Variants in PFAS observed in about 807,000 individuals in gnomAD.
PFAS encodes the protein FGAM synthase.
Under a neutral mutation model 140.6 loss-of-function variants are expected in PFAS, and 97 were observed. That is an observed-to-expected ratio of 0.69 (90% CI 0.59 to 0.82). PFAS has a LOEUF of 0.82. Among genes scored for constraint, PFAS ranks in the 40% least tolerant of loss-of-function variants. The probability of loss-of-function intolerance (pLI) is 0.00; values close to 1 mark genes in which losing one functional copy is unlikely to be tolerated. For missense variants in PFAS, 1,656 were observed against 1,780.2 expected, an observed-to-expected ratio of 0.93 and a Z score of 1.26; for synonymous variants, 679 against 718.8, an observed-to-expected ratio of 0.94 and a Z score of 0.88.
chr17:8,257,841 G>A lies in PFAS; in HGVS notation c.1110G>A (p.Gln370=), dbSNP rs199532639. Residue 370 remains glutamine, a synonymous_variant, in exon 10 of 28, where the codon CAG becomes CAA. Transcript: ENST00000314666. ...YNLPWEDPSF[Q]YPGNFARPLE... is the part of the protein sequence containing the mutation. ...TGCCCTGGGAGGATCCAAGCTTCCAGTATCCTGGGAATTTTGCCCGGCCCC... is the reference window on the plus strand; with the variant it reads ...TGCCCTGGGAGGATCCAAGCTTCCAATATCCTGGGAATTTTGCCCGGCCCC... 4 of 1,614,054 alleles carry A rather than the reference G, an allele frequency of 2.5e-6. No homozygotes were observed. The highest frequency in any genetic ancestry group is 2.2e-5 in the East Asian group (1 of 44,888).
intron 1 of PFAS, 90 bp from the exon 2 acceptor site, chr17:8,253,769 C>T (rs1989249358): frequency 1.1e-6 from 1 of 883,842 alleles, no homozygotes; most frequent in Admixed American, 3.2e-5. Flanking sequence ...CAACTCCTGA[C>T]CTCAGGCAAT....
Position 8,256,197 on chromosome 17 carries a change from T to G in PFAS, c.681-70T>G, listed in dbSNP as rs377030754. ...CTGTAACTCTGCTGTTAAATGCTGG[T>G]GAGAAGACATGGCATTAAGAAATGA... is the stretch of plus-strand genomic sequence containing the variant. On this transcript the variant is annotated intron_variant, in intron 6 of 27. Coordinates refer to ENST00000314666, the MANE Select transcript of PFAS (RefSeq NM_012393.3). 3.4e-6 allele frequency: 5 copies of G among 1,485,204 alleles called. No individual in the cohort carries two copies. In the Admixed American group the frequency reaches 9.5e-5, roughly 28 times the overall value. The allele number at this position is 1,485,204 out of a possible 1,614,324, so 92.0% of individuals were successfully genotyped here. A position where few individuals can be genotyped will look rare whatever the true frequency, so the allele number is the denominator to read the frequency against.
In PFAS at chr17:8,264,301, G is replaced by A. The variant is rs765364309; in HGVS notation, c.1881G>A (p.Leu627=). Residue 627 remains leucine, a synonymous_variant, in exon 16 of 28, where the codon CTG becomes CTA. Transcript: ENST00000314666. The part of the protein sequence containing the change: ...PPTPLPTPVD[L]ELEWVLGKMP... ...CACCCCTGCCAACCCCTGTGGACCT[G>A]GAGCTCGAATGGGTGCTGGGCAAGA... The A allele has an allele frequency of 7.4e-6, 12 of 1,613,934 alleles. No individual in the cohort carries two copies. The highest frequency in any genetic ancestry group is 8.5e-6 in the Non-Finnish European group (10 of 1,179,980).
chr17:8,267,386 C>T lies in PFAS; in HGVS notation c.3190C>T (p.Arg1064Ter), dbSNP rs1171270615. ...VPREPGGPSP[R>*]VAILREEGSN... ...TCTCCCCCAAGGTGGTCCCAGCCCC[C>T]GAGTCGCCATCTTGCGAGAGGAGGG... The change falls in exon 25 of 28, where the codon CGA becomes TGA. Residue 1064 changes from arginine (R) to a stop codon, truncating the protein, a stop_gained. Coordinates refer to ENST00000314666, the MANE Select transcript of PFAS (RefSeq NM_012393.3). LOFTEE classifies it high-confidence loss of function. The surrounding 1 kb of genome is among the most constrained non-coding windows in gnomAD (Gnocchi z 4.9). 8.1e-6 allele frequency: 13 copies of T among 1,613,998 alleles called. No homozygotes were observed. Among genetic ancestry groups the T allele is most frequent in the Non-Finnish European group, 1.1e-5 (13 of 1,179,938 alleles).
At position 8,266,182 on chromosome 17, in the gene PFAS, G is replaced by A; in HGVS notation, c.2702-52G>A. 7.5e-6 allele frequency: 12 copies of A among 1,607,462 alleles called. No homozygotes were observed. The South Asian group carries it at 1.3e-4, about 18-fold the overall frequency. On this transcript the variant is annotated intron_variant, in intron 21 of 27. Coordinates refer to ENST00000314666, the MANE Select transcript of PFAS (RefSeq NM_012393.3). This position sits in a 1 kb window ranked among gnomAD's most constrained non-coding sequence, Gnocchi z 5.0. ...GGACTGACTCCGGAAGGTGGGGTGG[G>A]GCTGTCAGGTTTGGGTCCCGAGGTT...
chr17:8,269,477 GCCCT>G lies in PFAS; in HGVS notation c.*214_*217del. 1 of 546,606 alleles carries G rather than the reference GCCCT, an allele frequency of 1.8e-6. No homozygotes were observed. Among genetic ancestry groups the G allele is most frequent in the Non-Finnish European group, 3.2e-6 (1 of 307,782 alleles). 33.9% of individuals were successfully genotyped at this position (546,606 alleles called of 1,614,324 possible). ...TTTCAGTTCTGCTCTAACATGGCAT[GCCCT>G]TTCTCAGCCCAGGAAACAGCATGTG... On this transcript the variant is annotated 3_prime_UTR_variant, in exon 28 of 28. Transcript: ENST00000314666.
chr17:8,260,062 C>G (rs1164023699), intron 11 of PFAS, among the ~76,000 whole-genome samples: 3 of 151,436 alleles, frequency 2.0e-5, no homozygotes, highest in African/African-American at 7.3e-5. Context: ...GTTTACGCCA[C>G]TGCACTCCAG....
In PFAS at chr17:8,255,538, G is replaced by C; in HGVS notation, c.421G>C (p.Ala141Pro). 1.3e-6 allele frequency: 2 copies of C among 1,528,640 alleles called. No homozygotes were observed. Among genetic ancestry groups the C allele is most frequent in the African/African-American group, 1.4e-5 (1 of 71,954 alleles). 94.7% of individuals were successfully genotyped at this position (1,528,640 alleles called of 1,614,324 possible). A position where few individuals can be genotyped will look rare whatever the true frequency, so the allele number is the denominator to read the frequency against. ...HPPSAEVEAI[A>P]LATLHDRMTE... ...CCCGTCAGCTGAGGTGGAAGCCATT[G>C]CTCTGGCTACCCTGCACGACCGGAT... The change falls in exon 5 of 28, where the codon GCT (alanine) becomes CCT (proline). Residue 141 changes from alanine to proline, a missense_variant. Ala to Pro is a conservative substitution (Grantham distance 27). Transcript: ENST00000314666.
Position 8,258,115 on chromosome 17 carries a change from C to T in PFAS, c.1252C>T (p.Arg418Cys), listed in dbSNP as rs1219933348. Residue 418 changes from arginine to cysteine, a missense_variant, in exon 11 of 28, where the codon CGT (arginine) becomes TGT (cysteine). By Grantham distance (180) the Arg-to-Cys change is radical (BLOSUM62 -3). Around this residue, in one of 2 missense-constraint regions of PFAS, gnomAD observed 773 missense variants for 757.3 expected, o/e 1.02. Transcript: ENST00000314666. ...LGLQLPDGQR[R>C]EWIKPIMFSG... is the part of the protein sequence containing the mutation. ...CCTCCAGCTCCCAGACGGCCAGCGG[C>T]GTGAGTGGATCAAGCCCATCATGTT... is the stretch of plus-strand genomic sequence containing the variant. 12 of 1,613,926 alleles carry T rather than the reference C, an allele frequency of 7.4e-6. No homozygotes were observed. Among genetic ancestry groups the T allele is most frequent in the Non-Finnish European group, 9.3e-6 (11 of 1,180,028 alleles).
rs143291952 is a variant in PFAS, at chr17:8,255,528, G to A, written c.411G>A (p.Val137=). 6.6e-7 allele frequency: 1 copy of A among 1,523,182 alleles called. No individual in the cohort carries two copies. Among genetic ancestry groups the A allele is most frequent in the Middle Eastern group, 1.8e-4 (1 of 5,620 alleles). The allele number at this position is 1,523,182 out of a possible 1,614,324, so 94.4% of individuals were successfully genotyped here. The change falls in exon 5 of 28, where the codon GTG becomes GTA. Residue 137 remains valine (V), a synonymous_variant. Transcript: ENST00000314666. The part of the protein sequence containing the change: ...LSFAHPPSAE[V]EAIALATLHD... ...TTGCCCACCCCCCGTCAGCTGAGGT[G>A]GAAGCCATTGCTCTGGCTACCCTGC...
intron 20 of PFAS, 30 bp from the exon 21 acceptor site, chr17:8,265,832 C>T (rs1597428958): frequency 6.3e-7 from 1 of 1,575,156 alleles, no homozygotes; most frequent in Non-Finnish European, 8.7e-7. Context: ...TGAGCTGTTC[C>T]CCTCCCCTCA....
Position 8,268,821 on chromosome 17 carries a change from G to A in PFAS, c.3671G>A (p.Gly1224Asp). The A allele has an allele frequency of 1.2e-6, 2 of 1,607,752 alleles. No individual in the cohort carries two copies. Among genetic ancestry groups the A allele is most frequent in the Non-Finnish European group, 8.5e-7 (1 of 1,179,810 alleles). The change falls in exon 27 of 28, where the codon GGC becomes GAC. Residue 1224 changes from glycine to aspartate, a missense_variant. Physicochemically the swap from Gly to Asp is moderately conservative, Grantham distance 94. Transcript: ENST00000314666. The part of the protein sequence containing the change: ...GPALMLRGME[G>D]AVLPVWSAHG... ...GCCCTGATGCTGCGAGGGATGGAGG[G>A]CGCCGTGCTGCCCGTGTGGAGTGCG...
Position 8,268,549 on chromosome 17 carries a change from G to A in PFAS, c.3399G>A (p.Val1133=). 1.9e-6 allele frequency: 3 copies of A among 1,611,822 alleles called. No homozygotes were observed. Among genetic ancestry groups the A allele is most frequent in the Non-Finnish European group, 2.5e-6 (3 of 1,179,650 alleles). The change falls in exon 27 of 28, where the codon GTG becomes GTA. Residue 1133 remains valine, a synonymous_variant. Transcript: ENST00000314666. ...CCCTGCTAGGGTGGGCAGCTGCTGT[G>A]ACCTTTCATCCCAGGGCTGGGGCTG... is the stretch of plus-strand genomic sequence containing the variant. ...LGSAKGWAAA[V]TFHPRAGAEL...
chr17:8,247,807 A>C (rs1423420738), upstream of PFAS: 2 of 613,212 alleles, frequency 3.3e-6, no homozygotes, highest in African/African-American at 3.7e-5. Context: ...TAAGGCTCAC[A>C]GCGGGCGCCG....
At position 8,266,391 on chromosome 17, in the gene PFAS, C is replaced by T. The variant is rs1008915502; in HGVS notation, c.2821+38C>T. 6.8e-6 allele frequency: 11 copies of T among 1,612,866 alleles called. No individual in the cohort carries two copies. The East Asian group carries it at 2.5e-4, about 36-fold the overall frequency. ...GGGTCTAGTCTCAGGCCCGGGCTGC[C>T]TTCTCTACCCTGCAGACCCCATTTC... On this transcript the variant is annotated intron_variant, in intron 22 of 27. Coordinates refer to ENST00000314666, the MANE Select transcript of PFAS (RefSeq NM_012393.3). The surrounding 1 kb of genome is among the most constrained non-coding windows in gnomAD (Gnocchi z 5.0).
At chr17:8,252,059 C>T (rs969351487) in intron 1 of PFAS, among the ~76,000 whole-genome samples, 5 of 151,698 alleles carry the variant, frequency 3.3e-5, no homozygotes, top group African/African-American at 1.2e-4. Context: ...TTTGGGAGTC[C>T]GAGGCGGGCA....
chr17:8,260,051 A>G (rs1597422202), intron 11 of PFAS, among the ~76,000 whole-genome samples: 1 of 151,476 alleles, frequency 6.6e-6, no homozygotes. Flanking sequence ...CAGTGAGCCA[A>G]GTTTACGCCA....
chr17:8,266,731 A>G lies in PFAS; in HGVS notation c.2822-22A>G, dbSNP rs900540155. 6.3e-7 allele frequency: 1 copy of G among 1,579,676 alleles called. No homozygotes were observed. ...CCTTGGCCCTTCTTGCATCCCCCTG[A>G]CTCCCCACATTGCTCTCCCAGTCCT... On this transcript the variant is annotated intron_variant, in intron 22 of 27. Transcript: ENST00000314666. The surrounding 1 kb of genome is among the most constrained non-coding windows in gnomAD (Gnocchi z 5.0).
In PFAS at chr17:8,265,001, TA is replaced by T. The variant is rs758841985; in HGVS notation, c.2157del (p.Ile719MetfsTer44). The T allele has an allele frequency of 1.2e-6, 2 of 1,613,508 alleles. No homozygotes were observed. Among genetic ancestry groups the T allele is most frequent in the Non-Finnish European group, 1.7e-6 (2 of 1,179,908 alleles). On this transcript the variant is annotated frameshift_variant, in exon 18 of 28. Transcript: ENST00000314666. LOFTEE classifies it high-confidence loss of function. The part of the protein sequence containing the change: ...AVVALSHEEL[I>X]GAATALGEQP... ...GTGGCACTGAGCCATGAGGAGCTCATAGGGGCTGCCACAGCCTTGGGAGAAC... is the reference window on the plus strand; with the variant it reads ...GTGGCACTGAGCCATGAGGAGCTCATGGGGCTGCCACAGCCTTGGGAGAAC...
Sources: allele counts gnomAD v4.1 joint callset (sites outside exome capture counted in the v4.1 genomes callset), GRCh38; gene constraint gnomAD v4.1.1; regional missense constraint gnomAD v4.1.1; non-coding constraint Gnocchi (gnomAD v3.1); transcripts MANE v1.5; gene names NCBI Gene and HGNC (gene_info 2026-07-23, HGNC 2026-07-21).